ARMH4: variants seen among roughly 807,000 people sequenced by gnomAD.
ARMH4 encodes the protein armadillo-like helical domain-containing protein 4.
In ARMH4, 49 loss-of-function variants were observed where a neutral mutation model predicts 61.9. That is an observed-to-expected ratio of 0.79 (90% CI 0.63 to 1.00). ARMH4 has a LOEUF of 1.00. Among genes scored for constraint, ARMH4 ranks in the 50% least tolerant of loss-of-function variants. The pLI, the probability that ARMH4 is intolerant of heterozygous loss-of-function variation, is 0.00. For synonymous variants in ARMH4, 368 were observed against 341.5 expected (o/e 1.08, Z -0.85); for missense variants, 934 against 930.0 (o/e 1.00, Z -0.06).
chr14:58,066,376 G>T (rs1884699882), intron 5 of ARMH4, among the ~76,000 whole-genome samples: 1 of 152,196 alleles, frequency 6.6e-6, no homozygotes. Context: ...TGTAGAGACA[G>T]AAAGCAATCT....
chr14:58,019,854 G>A (rs1882753001), intron 5 of ARMH4, among the ~76,000 whole-genome samples: 1 of 152,048 alleles, frequency 6.6e-6, no homozygotes, highest in Non-Finnish European at 1.5e-5. Context: ...TCCTACCAAT[G>A]GATGTGTTTT....
At chr14:58,107,254 G>A (rs764579123) in intron 4 of ARMH4, among the ~76,000 whole-genome samples, 14 of 152,136 alleles carry the variant, frequency 9.2e-5, no homozygotes, top group Non-Finnish European at 1.5e-5. Context: ...AATGACGGCA[G>A]GAAGATCCAG....
intron 5 of ARMH4, among the ~76,000 whole-genome samples, chr14:58,014,506 G>T (rs1175124894): frequency 6.6e-6 from 1 of 152,142 alleles, no homozygotes; most frequent in Non-Finnish European, 1.5e-5. Flanking sequence ...GTGAAGATTA[G>T]AAATAACAAA....
intron 5 of ARMH4, among the ~76,000 whole-genome samples, chr14:58,080,868 G>A (rs1234003034): frequency 1.3e-5 from 2 of 152,104 alleles, no homozygotes; most frequent in Non-Finnish European, 2.9e-5. Context: ...TTGGGAGGCC[G>A]AGGCGGGCAG....
intron 1 of ARMH4, among the ~76,000 whole-genome samples, chr14:58,142,039 C>T (rs181644864): frequency 9.7e-4 from 148 of 152,184 alleles, no homozygotes; most frequent in African/African-American, 2.7e-3. Flanking sequence ...TGTTAATTTA[C>T]CCCCAAATTT....
chr14:58,005,056 T>A lies in ARMH4; in HGVS notation c.2248A>T (p.Lys750Ter). ...TGTTGTTGGTTCCATACCTTTCTTT[T>A]ATGCCTTTTGAAGCCATTTCTCCTT... ...RRRRNGFKRH[K>*]RKQREFNSMQ... Residue 750 changes from lysine to a stop codon, truncating the protein, a stop_gained, in exon 7 of 8, where the codon AAA becomes TAA. Transcript: ENST00000267485. LOFTEE classifies it high-confidence loss of function. The A allele has an allele frequency of 6.2e-7, 1 of 1,614,070 alleles. No individual in the cohort carries two copies. The highest frequency in any genetic ancestry group is 2.2e-5 in the East Asian group (1 of 44,882).
intron 2 of ARMH4, among the ~76,000 whole-genome samples, chr14:58,136,323 G>A (rs775214544): frequency 2.0e-5 from 3 of 152,134 alleles, no homozygotes; most frequent in East Asian, 1.9e-4. Context: ...GGATTCAATT[G>A]TGCAGTGAAC....
chr14:58,009,821 AAAAAAAAG>A lies in ARMH4; in HGVS notation c.2121+2290_2121+2297del, dbSNP rs1224819351. ...GCAAGACTCTGCAAAAAAAAAAAAA[AAAAAAAAG>A]AGAGAGAGAGAGAGATAACAAACTT... On this transcript the variant is annotated intron_variant, in intron 6 of 7. Coordinates refer to ENST00000267485, the MANE Select transcript of ARMH4 (RefSeq NM_001001872.4). 4.8e-5 allele frequency among the ~76,000 whole-genome samples: 7 copies of A among 144,686 alleles called. No homozygotes were observed. In the East Asian group the frequency reaches 9.4e-4, roughly 20 times the overall value. 94.9% of individuals were successfully genotyped at this position (144,686 alleles called of 152,430 possible). A position where few individuals can be genotyped will look rare whatever the true frequency, so the allele number is the denominator to read the frequency against.
chr14:58,026,119 A>G lies in ARMH4; in HGVS notation c.2090-13969T>C, dbSNP rs1392149749. 3.3e-5 allele frequency among the ~76,000 whole-genome samples: 5 copies of G among 152,066 alleles called. No individual in the cohort carries two copies. In the East Asian group the frequency reaches 9.6e-4, roughly 29 times the overall value. On this transcript the variant is annotated intron_variant, in intron 5 of 7. Coordinates refer to ENST00000267485, the MANE Select transcript of ARMH4 (RefSeq NM_001001872.4). ...TTATTAGTGCTAATAATACTGATAA[A>G]CTATAAACCACATTATCACAACTCT...
intron 5 of ARMH4, among the ~76,000 whole-genome samples, chr14:58,067,490 G>C (rs766651304): frequency 6.6e-6 from 1 of 152,150 alleles, no homozygotes; most frequent in Non-Finnish European, 1.5e-5. Flanking sequence ...CCAAGAAAGA[G>C]GGATTTATGA....
At chr14:58,114,331 AATG>A (rs1305347518) in intron 4 of ARMH4, among the ~76,000 whole-genome samples, 11 of 152,242 alleles carry the variant, frequency 7.2e-5, no homozygotes, top group African/African-American at 2.6e-4. Context: ...CTAGCACAAC[AATG>A]ATATCACTAC....
chr14:58,138,879 C>T lies in ARMH4; in HGVS notation c.480G>A (p.Lys160=), dbSNP rs1566600209. 2 of 1,614,156 alleles carry T rather than the reference C, an allele frequency of 1.2e-6. No individual in the cohort carries two copies. Among genetic ancestry groups the T allele is most frequent in the Admixed American group, 1.7e-5 (1 of 60,008 alleles). The change falls in exon 2 of 8, where the codon AAG becomes AAA. Residue 160 remains lysine (K), a synonymous_variant. Transcript: ENST00000267485. ...AGTTAGTGCTTGTAAGGAGTTCCTC[C>T]TTTTCATCAACAGTCAGAGAAGGAG... The part of the protein sequence containing the change: ...TATPSLTVDE[K]EELLTSTNFQ...
At chr14:58,143,965 G>C (rs373802793) in intron 1 of ARMH4, among the ~76,000 whole-genome samples, 1 of 151,576 alleles carries the variant, frequency 6.6e-6, no homozygotes, top group African/African-American at 2.4e-5. Context: ...GTATGGACAG[G>C]GTTTAACCAT....
chr14:58,119,454 A>T (rs1274950897), intron 4 of ARMH4, among the ~76,000 whole-genome samples: 1 of 152,170 alleles, frequency 6.6e-6, no homozygotes, highest in African/African-American at 2.4e-5. Flanking sequence ...AAAATGCCTT[A>T]ATTTTCTGCA....
At chr14:58,095,095 T>C (rs1244575971) in intron 5 of ARMH4, among the ~76,000 whole-genome samples, 1 of 152,208 alleles carries the variant, frequency 6.6e-6, no homozygotes, top group East Asian at 1.9e-4. Context: ...TACTTATAAT[T>C]ACTCAAAGAT....
intron 1 of ARMH4, among the ~76,000 whole-genome samples, chr14:58,146,287 A>G (rs1008709406): frequency 1.3e-5 from 2 of 152,232 alleles, no homozygotes; most frequent in African/African-American, 2.4e-5. Context: ...AATTAACTCA[A>G]TCATAAGAAT....
In ARMH4 at chr14:58,001,619, C is replaced by T. The variant is rs1222045823; in HGVS notation, c.*3117G>A. ...CATCCCAATAGGTGTGAGGTGGTAT[C>T]TCATTGTGACTTTAAATGACCTTGT... On this transcript the variant is annotated 3_prime_UTR_variant, in exon 8 of 8. Coordinates refer to ENST00000267485, the MANE Select transcript of ARMH4 (RefSeq NM_001001872.4). 3 of 152,024 alleles carry T rather than the reference C, an allele frequency of 2.0e-5. No homozygotes were observed. Among genetic ancestry groups the T allele is most frequent in the Admixed American group, 2.0e-4 (3 of 15,280 alleles). The allele number at this position is 152,024 out of a possible 1,614,324, so 9.4% of individuals were successfully genotyped here.
In ARMH4 at chr14:58,131,631, G is replaced by T; in HGVS notation, c.1712C>A (p.Pro571His). 1 of 1,614,076 alleles carries T rather than the reference G, an allele frequency of 6.2e-7. No individual in the cohort carries two copies. The highest frequency in any genetic ancestry group is 8.5e-7 in the Non-Finnish European group (1 of 1,179,964). Residue 571 changes from proline to histidine, a missense_variant, in exon 4 of 8, where the codon CCC becomes CAC. By Grantham distance (77) the Pro-to-His change is moderately conservative. Coordinates refer to ENST00000267485, the MANE Select transcript of ARMH4 (RefSeq NM_001001872.4). ...AGCAGGAAGTGCAGGGGAAATGCTG[G>T]GTTCCCCCACCATTATTCCAGGAGG... ...VTPPGIMVGE[P>H]SISPALPALE...
At chr14:58,099,490 G>A (rs1419807092) in intron 4 of ARMH4, among the ~76,000 whole-genome samples, 1 of 152,190 alleles carries the variant, frequency 6.6e-6, no homozygotes, top group Non-Finnish European at 1.5e-5. Context: ...CATTGGGAGG[G>A]CACGGGGGAC....
Sources: allele counts gnomAD v4.1 joint callset (sites outside exome capture counted in the v4.1 genomes callset), GRCh38; gene constraint gnomAD v4.1.1; transcripts MANE v1.5; gene names NCBI Gene and HGNC (gene_info 2026-07-23, HGNC 2026-07-21).